Variants in ZNF283 observed in about 807,000 individuals in gnomAD.
ZNF283 encodes zinc finger protein 283, also known as zinc finger protein 41.
Under a neutral mutation model 9.2 loss-of-function variants are expected in ZNF283, and 10 were observed. The observed-to-expected ratio is 1.09, with a 90% CI of 0.67 to 1.85. ZNF283 has a LOEUF of 1.85. Among genes scored for constraint, ZNF283 ranks in the 40% most tolerant of loss-of-function variants. The pLI is 0.00. For missense variants in ZNF283, 631 were observed against 760.1 expected, an observed-to-expected ratio of 0.83 and a Z score of 2.00; for synonymous variants, 234 against 244.1, an observed-to-expected ratio of 0.96 and a Z score of 0.38.
At chr19:43,839,561 C>T (rs1239219058) in intron 6 of ZNF283, among the ~76,000 whole-genome samples, 13 of 152,086 alleles carry the variant, frequency 8.5e-5, no homozygotes, top group African/African-American at 3.1e-4. Flanking sequence ...TTCTGGGACT[C>T]ATATGATGTG....
At chr19:43,841,726 C>A (rs1304718578) in intron 6 of ZNF283, among the ~76,000 whole-genome samples, 1 of 152,176 alleles carries the variant, frequency 6.6e-6, no homozygotes, top group African/African-American at 2.4e-5. Context: ...AGCCACTGCA[C>A]CCAGCCTTCA....
At position 43,846,924 on chromosome 19, in the gene ZNF283, C is replaced by A; in HGVS notation, c.338-15C>A. 99 of 1,210,274 alleles carry A rather than the reference C, an allele frequency of 8.2e-5. No homozygotes were observed. The highest frequency in any genetic ancestry group is 1.5e-4 in the East Asian group (5 of 33,002). The allele number at this position is 1,210,274 out of a possible 1,614,324, so 75.0% of individuals were successfully genotyped here. A position where few individuals can be genotyped will look rare whatever the true frequency, so the allele number is the denominator to read the frequency against. On this transcript the variant is annotated splice_polypyrimidine_tract_variant and intron_variant, in intron 6 of 6. Coordinates refer to ENST00000618787, the MANE Select transcript of ZNF283 (RefSeq NM_181845.2). ...TGAAGGAAATAAAATGTGTGGTTTTCTTGTTTTCTTTCAGATTTGGAGTCA... is the reference window on the plus strand; with the variant it reads ...TGAAGGAAATAAAATGTGTGGTTTTATTGTTTTCTTTCAGATTTGGAGTCA...
At position 43,849,540 on chromosome 19, in the gene ZNF283, A is replaced by G. The variant is rs916487190; in HGVS notation, c.*899A>G. 6.6e-6 allele frequency: 1 copy of G among 152,250 alleles called. No homozygotes were observed. The highest frequency in any genetic ancestry group is 1.5e-5 in the Non-Finnish European group (1 of 68,032). The allele number at this position is 152,250 out of a possible 1,614,324, so 9.4% of individuals were successfully genotyped here. A position where few individuals can be genotyped will look rare whatever the true frequency, so the allele number is the denominator to read the frequency against. The stretch of plus-strand genomic sequence containing the variant: ...TGCCTGTAACAGCATAAGATAATTT[A>G]TACCAGATATGTTAAATGTGCAGAA... On this transcript the variant is annotated 3_prime_UTR_variant, in exon 7 of 7. Transcript: ENST00000618787.
chr19:43,828,776 G>A lies in ZNF283; in HGVS notation c.-65+495G>A, dbSNP rs1043994786. 1.8e-4 allele frequency among the ~76,000 whole-genome samples: 28 copies of A among 152,050 alleles called. 1 individual carries two copies. Among genetic ancestry groups the A allele is most frequent in the African/African-American group, 6.3e-4 (26 of 41,406 alleles). ...GCTCAGGTGTTCCTCTGGCCTTGGC[G>A]TCCCAAAGTGCTGGGACTGCAGGTG... On this transcript the variant is annotated intron_variant, in intron 2 of 6. Transcript: ENST00000618787.
At chr19:43,829,533 CT>C (rs776826307) in intron 2 of ZNF283, among the ~76,000 whole-genome samples, 3 of 152,142 alleles carry the variant, frequency 2.0e-5, no homozygotes, top group Non-Finnish European at 4.4e-5. Context: ...AGGATAGTAC[CT>C]ACCTAATGGA....
chr19:43,833,480 A>ATTT, intron 3 of ZNF283, 25 bp from the exon 4 acceptor site: 1 of 98,336 alleles, frequency 1.0e-5, no homozygotes, highest in Non-Finnish European at 1.9e-5. Context: ...TTCTTTACCT[A>ATTT]TTTCTTTTTT....
intron 6 of ZNF283, 139 bp from the exon 7 acceptor site, chr19:43,846,800 T>C: frequency 1.6e-6 from 1 of 634,876 alleles, no homozygotes; most frequent in Non-Finnish European, 2.5e-6. Flanking sequence ...GCTGAGTTTG[T>C]TATTTAACAA....
rs184434502 is a variant in ZNF283, at chr19:43,835,590, G to A, written c.208G>A (p.Asp70Asn). The A allele has an allele frequency of 1.8e-5, 28 of 1,597,024 alleles. No homozygotes were observed. The highest frequency in any genetic ancestry group is 2.4e-5 in the Non-Finnish European group (28 of 1,168,072). Reference protein sequence around the residue: ...ISSCNSRTMTDGLVTFRDVAI... With the variant: ...ISSCNSRTMTNGLVTFRDVAI... Reference sequence around the variant, plus strand: ...TTCTTGCAATTCCAGAACCATGACTGATGTAAGTTGGTATTTTTCTCTCCA... The same window carrying A: ...TTCTTGCAATTCCAGAACCATGACTAATGTAAGTTGGTATTTTTCTCTCCA... Residue 70 changes from aspartate to asparagine, a missense_variant and splice_region_variant, in exon 5 of 7, where the codon GAT becomes AAT. Physicochemically the swap from Asp to Asn is conservative, Grantham distance 23. Coordinates refer to ENST00000618787, the MANE Select transcript of ZNF283 (RefSeq NM_181845.2).
chr19:43,836,617 C>T (rs915592323), intron 5 of ZNF283, among the ~76,000 whole-genome samples: 11 of 152,270 alleles, frequency 7.2e-5, no homozygotes, highest in East Asian at 5.8e-4. Flanking sequence ...CTTGGGATTA[C>T]GGGCATGAAC....
intron 2 of ZNF283, among the ~76,000 whole-genome samples, chr19:43,830,673 C>T (rs1196301645): frequency 6.6e-6 from 1 of 151,850 alleles, no homozygotes; most frequent in African/African-American, 2.4e-5. Flanking sequence ...GAGGCCGAGG[C>T]GGGTGGATCA....
chr19:43,831,797 T>A (rs2146533899), intron 3 of ZNF283, among the ~76,000 whole-genome samples: 1 of 152,146 alleles, frequency 6.6e-6, no homozygotes. Flanking sequence ...CCAGCTAATT[T>A]TTCATGTTTT....
intron 6 of ZNF283, among the ~76,000 whole-genome samples, chr19:43,839,342 G>A (rs762178769): frequency 8.6e-5 from 13 of 151,772 alleles, no homozygotes; most frequent in Non-Finnish European, 1.9e-4. Context: ...CTTGTATGTG[G>A]TAGGCTGCTG....
chr19:43,829,946 C>A (rs1231678615), intron 2 of ZNF283, among the ~76,000 whole-genome samples: 1 of 152,086 alleles, frequency 6.6e-6, no homozygotes, highest in Non-Finnish European at 1.5e-5. Flanking sequence ...TTGCTTGAAC[C>A]CAGCAGGCGG....
intron 2 of ZNF283, among the ~76,000 whole-genome samples, chr19:43,830,356 G>A (rs1415722945): frequency 1.3e-5 from 2 of 152,148 alleles, no homozygotes; most frequent in African/African-American, 4.8e-5. Flanking sequence ...AGGATTACAG[G>A]CGTGAGCCAC....
chr19:43,844,007 G>A (rs1599728172), intron 6 of ZNF283, among the ~76,000 whole-genome samples: 1 of 152,062 alleles, frequency 6.6e-6, no homozygotes, highest in Non-Finnish European at 1.5e-5. Context: ...GCCATAGATT[G>A]AATGCAGAAG....
chr19:43,840,372 T>C (rs1227473535), intron 6 of ZNF283, among the ~76,000 whole-genome samples: 1 of 152,140 alleles, frequency 6.6e-6, no homozygotes, highest in African/African-American at 2.4e-5. Context: ...TGCACAACCC[T>C]GAATTTTTTG....
chr19:43,828,023 C>T (rs1206340771), intron 1 of ZNF283, 179 bp from the exon 2 acceptor site: 1 of 152,142 alleles, frequency 6.6e-6, no homozygotes. Flanking sequence ...AGACCTCTGT[C>T]CCCAAGAATT....
chr19:43,830,012 G>T (rs565938154), intron 2 of ZNF283, among the ~76,000 whole-genome samples: 1 of 152,266 alleles, frequency 6.6e-6, no homozygotes, highest in Non-Finnish European at 1.5e-5. Context: ...AACAGAGCAA[G>T]ACTGTCTCAC....
At chr19:43,842,195 G>A (rs767486786) in intron 6 of ZNF283, among the ~76,000 whole-genome samples, 4 of 151,814 alleles carry the variant, frequency 2.6e-5, no homozygotes, top group Non-Finnish European at 5.9e-5. Flanking sequence ...ACTTCAGTTT[G>A]GTAATACCTA....
Sources: gnomAD v4.1 joint callset for allele counts (sites outside exome capture counted in the v4.1 genomes callset) on GRCh38, gnomAD v4.1.1 for gene constraint, MANE v1.5 for transcripts, NCBI Gene and HGNC (gene_info 2026-07-23, HGNC 2026-07-21) for gene names.